The following SELENBP1 variants were observed in gnomAD, a reference collection of about 807,000 sequenced individuals.
The protein encoded by SELENBP1 is selenium binding protein 1, also known as methanethiol oxidase.
SELENBP1 carries 71 observed loss-of-function variants against 61.0 expected under a neutral mutation model. That is an observed-to-expected ratio of 1.16 (90% CI 0.96 to 1.42). The LOEUF (loss-of-function observed/expected upper bound fraction) is 1.42, where lower values mean the gene tolerates loss of function less well. SELENBP1 is among the 40% of genes most tolerant of loss of function. SELENBP1 has a pLI of 0.00. For synonymous variants in SELENBP1, 270 were observed against 238.9 expected (o/e 1.13, Z -1.20); for missense variants, 561 against 605.0 (o/e 0.93, Z 0.76).
intron 1 of SELENBP1, among the ~76,000 whole-genome samples, chr1:151,370,722 G>GA: frequency 6.8e-6 from 1 of 146,882 alleles, no homozygotes; most frequent in Non-Finnish European, 1.5e-5. Context: ...AATACCCAGA[G>GA]GGGGTGGCAG....
chr1:151,371,285 G>A (rs1403472665), intron 1 of SELENBP1, among the ~76,000 whole-genome samples: 2 of 151,984 alleles, frequency 1.3e-5, no homozygotes, highest in African/African-American at 2.4e-5. Context: ...GCATACACCT[G>A]TAATCCCAGC....
At chr1:151,364,796 A>G (rs1255274572) in intron 11 of SELENBP1, 91 bp from the exon 12 acceptor site, 1 of 1,511,058 alleles carries the variant, frequency 6.6e-7, no homozygotes, top group Non-Finnish European at 9.0e-7. Flanking sequence ...AGGAAGGAGG[A>G]ATGACCAGGG....
chr1:151,367,698 T>C (rs933557914), intron 5 of SELENBP1, among the ~76,000 whole-genome samples: 1 of 152,200 alleles, frequency 6.6e-6, no homozygotes, highest in Non-Finnish European at 1.5e-5. Flanking sequence ...TCACAGCTCA[T>C]TGCAGCCTTG....
At chr1:151,367,355 A>AAAAAAAAAAAAAAAAAAAAATAAAAG (rs966572769) in intron 5 of SELENBP1, 1 of 49,246 alleles carries the variant, frequency 2.0e-5, no homozygotes, top group Non-Finnish European at 3.8e-5. Flanking sequence ...AAAAAAAAAA[A>AAAAAAAAAAAAAAAAAAAAATAAAAG]AAAAAGAGAA....
chr1:151,369,291 C>G, intron 3 of SELENBP1, 102 bp from the exon 4 acceptor site: 1 of 1,489,754 alleles, frequency 6.7e-7, no homozygotes, highest in East Asian at 2.3e-5. Flanking sequence ...ACGGCACAGG[C>G]TGGATTTCAG....
At position 151,365,250 on chromosome 1, in the gene SELENBP1, C is replaced by T; in HGVS notation, c.1076G>A (p.Gly359Asp). The T allele has an allele frequency of 6.2e-7, 1 of 1,613,140 alleles. No homozygotes were observed. Among genetic ancestry groups the T allele is most frequent in the Non-Finnish European group, 8.5e-7 (1 of 1,179,602 alleles). ...CTCGTCCTCCAGCACTTGCACAGGG[C>T]CTCCCTTAACAATGCTGCCTCCGAG... is the stretch of plus-strand genomic sequence containing the variant. ...LFLGGSIVKGGPVQVLEDEEL... is the reference protein window; with the variant it reads ...LFLGGSIVKGDPVQVLEDEEL... The change falls in exon 10 of 12, where the codon GGC (glycine) becomes GAC (aspartate). Residue 359 changes from glycine to aspartate, a missense_variant. By Grantham distance (94) the Gly-to-Asp change is moderately conservative (BLOSUM62 -1). Transcript: ENST00000368868.
chr1:151,370,108 G>T, intron 1 of SELENBP1: 1 of 895,416 alleles, frequency 1.1e-6, no homozygotes, highest in Non-Finnish European at 1.6e-6. Flanking sequence ...TGACTAGCCA[G>T]GGGAGCTTGG....
In SELENBP1 at chr1:151,365,225, C is replaced by T. The variant is rs1448508568; in HGVS notation, c.1101G>A (p.Glu367=). The change falls in exon 10 of 12, where the codon GAG becomes GAA. Residue 367 remains glutamate, a synonymous_variant. Coordinates refer to ENST00000368868, the MANE Select transcript of SELENBP1 (RefSeq NM_003944.4). ...KGGPVQVLED[E]ELKSQPEPLV... Reference sequence around the variant, plus strand: ...GGGGCTCTGGCTGGGACTTTAGTTCCTCGTCCTCCAGCACTTGCACAGGGC... The same window carrying T: ...GGGGCTCTGGCTGGGACTTTAGTTCTTCGTCCTCCAGCACTTGCACAGGGC... The T allele has an allele frequency of 1.2e-6, 2 of 1,613,840 alleles. No individual in the cohort carries two copies. Among genetic ancestry groups the T allele is most frequent in the East Asian group, 2.2e-5 (1 of 44,872 alleles).
chr1:151,367,355 A>AAAAAAAGAGAAAAGAAAAG (rs966572769), intron 5 of SELENBP1: 2 of 49,264 alleles, frequency 4.1e-5, no homozygotes, highest in Non-Finnish European at 7.6e-5. Context: ...AAAAAAAAAA[A>AAAAAAAGAGAAAAGAAAAG]AAAAAGAGAA....
At chr1:151,368,143 C>T (rs201736733) in intron 5 of SELENBP1, 56 bp downstream of exon 5, 1 of 1,584,722 alleles carries the variant, frequency 6.3e-7, no homozygotes, top group Non-Finnish European at 8.6e-7. Flanking sequence ...CAGAAAAATG[C>T]TTCCCACATT....
chr1:151,365,176 G>A lies in SELENBP1; in HGVS notation c.1137+13C>T, dbSNP rs1174014116. Reference sequence around the variant, plus strand: ...GTCTGAGGGGTCCAGCAAGTAGGGGGAGAGGCTCTTACCTTGACCACTAGG... The same window carrying A: ...GTCTGAGGGGTCCAGCAAGTAGGGGAAGAGGCTCTTACCTTGACCACTAGG... On this transcript the variant is annotated intron_variant, in intron 10 of 11. Coordinates refer to ENST00000368868, the MANE Select transcript of SELENBP1 (RefSeq NM_003944.4). 1 of 1,611,788 alleles carries A rather than the reference G, an allele frequency of 6.2e-7. No homozygotes were observed. The highest frequency in any genetic ancestry group is 2.2e-5 in the East Asian group (1 of 44,854).
In SELENBP1 at chr1:151,367,162, G is replaced by A. The variant is rs182164109; in HGVS notation, c.482-258C>T. The A allele has an allele frequency of 8.1e-3, 5,465 of 676,498 alleles. 30 individuals are homozygous for A. Among genetic ancestry groups the A allele is most frequent in the Non-Finnish European group, 0.01 (4,897 of 471,518 alleles). The allele number at this position is 676,498 out of a possible 1,614,324, so 41.9% of individuals were successfully genotyped here. On this transcript the variant is annotated intron_variant, in intron 5 of 11. Coordinates refer to ENST00000368868, the MANE Select transcript of SELENBP1 (RefSeq NM_003944.4). ...GTTCAGGATCAGCCTGGCCAACATG[G>A]TGAAACTCTGTCTCTATTAAAAATA...
chr1:151,368,216 A>C lies in SELENBP1; in HGVS notation c.464T>G (p.Val155Gly). ...GCAGGTACCTTTGCCATTGCCCTTG[A>C]CGTCTCCCAGGGAGCTGATCATCAC... The part of the protein sequence containing the change: ...GEVMISSLGD[V>G]KGNGKGGFVL... Residue 155 changes from valine to glycine, a missense_variant, in exon 5 of 12, where the codon GTC becomes GGC. Coordinates refer to ENST00000368868, the MANE Select transcript of SELENBP1 (RefSeq NM_003944.4). 1 of 1,614,022 alleles carries C rather than the reference A, an allele frequency of 6.2e-7. No homozygotes were observed.
intron 1 of SELENBP1, chr1:151,370,076 G>T: frequency 1.6e-6 from 2 of 1,256,520 alleles, no homozygotes; most frequent in African/African-American, 1.5e-5. Context: ...CACGGACTCG[G>T]GGCCCAACCC....
intron 11 of SELENBP1, 72 bp from the exon 12 acceptor site, chr1:151,364,777 AAG>A: frequency 6.6e-7 from 1 of 1,524,532 alleles, no homozygotes; most frequent in African/African-American, 1.4e-5. Context: ...TTTTAGGGGA[AAG>A]CTCCTGAGGA....
At chr1:151,370,988 T>C (rs376943864) in intron 1 of SELENBP1, among the ~76,000 whole-genome samples, 5 of 152,300 alleles carry the variant, frequency 3.3e-5, no homozygotes, top group African/African-American at 1.2e-4. Context: ...TTCTCCATTT[T>C]CTCCTCTTCA....
At chr1:151,367,319 G>C (rs1651881296) in intron 5 of SELENBP1, 1 of 43,394 alleles carries the variant, frequency 2.3e-5, no homozygotes, top group South Asian at 1.1e-3. Context: ...ACTCTAGCCT[G>C]GGCAACAGAA....
In SELENBP1 at chr1:151,366,416, C is replaced by T; in HGVS notation, c.702G>A (p.Gln234=). The change falls in exon 7 of 12, where the codon CAG becomes CAA. Residue 234 remains glutamine (Q), a synonymous_variant. Transcript: ENST00000368868. ...YGSHLYVWDW[Q]RHEIVQTLSL... is the part of the protein sequence containing the mutation. The stretch of plus-strand genomic sequence containing the variant: ...ACAGGGTCTGCACAATCTCATGGCG[C>T]TGCCAGTCCCATACATATAAGTGGC... 1.2e-6 allele frequency: 2 copies of T among 1,614,014 alleles called. No homozygotes were observed. The highest frequency in any genetic ancestry group is 1.7e-6 in the Non-Finnish European group (2 of 1,180,032).
chr1:151,371,497 C>T (rs1480938101), intron 1 of SELENBP1, among the ~76,000 whole-genome samples: 1 of 151,492 alleles, frequency 6.6e-6, no homozygotes, highest in African/African-American at 2.4e-5. Flanking sequence ...GTGCTCGATG[C>T]CCAGCGAGAG....
Sources: gnomAD v4.1 joint callset for allele counts (sites outside exome capture counted in the v4.1 genomes callset) on GRCh38, gnomAD v4.1.1 for gene constraint, MANE v1.5 for transcripts, NCBI Gene and HGNC (gene_info 2026-07-23, HGNC 2026-07-21) for gene names.